The following MECOM variants were observed in gnomAD, a reference collection of about 807,000 sequenced individuals.
MECOM encodes MDS1 and EVI1 complex locus.
MECOM carries 13 observed loss-of-function variants against 116.3 expected under a neutral mutation model. That is an observed-to-expected ratio of 0.11 (90% confidence interval 0.07 to 0.18). The LOEUF (loss-of-function observed/expected upper bound fraction) is 0.18, where lower values mean the gene tolerates loss of function less well. Ranked by LOEUF, MECOM falls within the 10% of genes least tolerant of loss-of-function variation. The pLI is 1.00. For synonymous variants in MECOM, 528 were observed against 535.2 expected, an observed-to-expected ratio of 0.99 and a Z score of 0.19; for missense variants, 1,299 against 1,509.0, an observed-to-expected ratio of 0.86 and a Z score of 2.31.
intron 1 of MECOM, among the ~76,000 whole-genome samples, chr3:169,524,887 G>C (rs1757787149): frequency 6.6e-6 from 1 of 151,904 alleles, no homozygotes; most frequent in Non-Finnish European, 1.5e-5. Flanking sequence ...CTCAACATTA[G>C]CTGTCTTATT....
intron 2 of MECOM, among the ~76,000 whole-genome samples, chr3:169,338,140 T>G (rs1560148677): frequency 6.6e-6 from 1 of 152,136 alleles, no homozygotes. Context: ...CCTTATAGAC[T>G]CCCTCAGGAT....
At chr3:169,339,517 A>G (rs1434470517) in intron 2 of MECOM, among the ~76,000 whole-genome samples, 2 of 152,214 alleles carry the variant, frequency 1.3e-5, no homozygotes, top group Non-Finnish European at 2.9e-5. Context: ...TCTTGCTGCT[A>G]AAAGTGTGAT....
chr3:169,216,006 C>G (rs1385162849), intron 2 of MECOM, among the ~76,000 whole-genome samples: 1 of 152,172 alleles, frequency 6.6e-6, no homozygotes, highest in Non-Finnish European at 1.5e-5. Context: ...TCTCACAACC[C>G]AGAAAATTTT....
chr3:169,479,333 G>A (rs756281157), intron 1 of MECOM, among the ~76,000 whole-genome samples: 52 of 151,532 alleles, frequency 3.4e-4, no homozygotes, highest in Non-Finnish European at 6.8e-4. Context: ...GGAAAGGGAG[G>A]CGTCTAGGAA....
chr3:169,358,528 C>CA (rs3980663), intron 2 of MECOM, among the ~76,000 whole-genome samples: 1,723 of 131,734 alleles, frequency 0.013, 12 homozygotes, highest in Middle Eastern at 0.027. Flanking sequence ...TTTAGAGCCA[C>CA]AAAAAAAAAA....
rs1228255724 is a variant in MECOM, at chr3:169,486,074, C to A, written c.38-104550G>T. ...ATATACACTATCCCAGAGACATCAC[C>A]AAGTTTGATGTGGTTTTAGGTGTGG... On this transcript the variant is annotated intron_variant, in intron 1 of 16. Coordinates refer to ENST00000651503, the MANE Select transcript of MECOM (RefSeq NM_004991.4). 2.2e-5 allele frequency among the ~76,000 whole-genome samples: 3 copies of A among 139,288 alleles called. No individual in the cohort carries two copies. In the South Asian group the frequency reaches 6.7e-4, roughly 31 times the overall value. The allele number at this position is 139,288 out of a possible 152,430, so 91.4% of individuals were successfully genotyped here. A position where few individuals can be genotyped will look rare whatever the true frequency, so the allele number is the denominator to read the frequency against.
At position 169,310,628 on chromosome 3, in the gene MECOM, T is replaced by C. The variant is rs16853480; in HGVS notation, c.375+70559A>G. Among the ~76,000 whole-genome samples, 1,047 of 152,308 alleles carry C rather than the reference T, an allele frequency of 6.9e-3. 98 individuals are homozygous for C. The East Asian group carries it at 0.19, about 27-fold the overall frequency. On this transcript the variant is annotated intron_variant, in intron 2 of 16. Transcript: ENST00000651503. ...CTCGTTCAGAAACCTACACTAACAATTATTTGGCTCTTCTGTATTTGTTTC... is the reference window on the plus strand; with the variant it reads ...CTCGTTCAGAAACCTACACTAACAACTATTTGGCTCTTCTGTATTTGTTTC...
chr3:169,520,477 A>G (rs542597190), intron 1 of MECOM, among the ~76,000 whole-genome samples: 117 of 152,298 alleles, frequency 7.7e-4, no homozygotes, highest in Admixed American at 1.2e-3. Context: ...TGTCCTCACA[A>G]AAAGGGGATG....
intron 1 of MECOM, among the ~76,000 whole-genome samples, chr3:169,462,850 A>G (rs1268383905): frequency 6.6e-6 from 1 of 152,204 alleles, no homozygotes; most frequent in Non-Finnish European, 1.5e-5. Context: ...TTAAAAACAA[A>G]ATTTTCTTGT....
chr3:169,222,654 G>T (rs778576215), intron 2 of MECOM, among the ~76,000 whole-genome samples: 1 of 152,142 alleles, frequency 6.6e-6, no homozygotes, highest in African/African-American at 2.4e-5. Context: ...TGTCTGAAAC[G>T]CAGATATAAA....
chr3:169,342,392 A>G (rs1057220091), intron 2 of MECOM, among the ~76,000 whole-genome samples: 7 of 152,076 alleles, frequency 4.6e-5, no homozygotes, highest in African/African-American at 1.7e-4. Flanking sequence ...TAATAATAGT[A>G]TATCTAAACT....
intron 1 of MECOM, among the ~76,000 whole-genome samples, chr3:169,472,633 A>AAAAGAAAAGAAAAGGAAAGGAAAGG (rs1749680508): frequency 6.0e-4 from 36 of 60,312 alleles, no homozygotes; most frequent in Middle Eastern, 8.3e-3. Context: ...AAAAGAAAAG[A>AAAAGAAAAGAAAAGGAAAGGAAAGG]AAAGGAAAGG....
At chr3:169,171,717 A>G (rs1559948603) in intron 2 of MECOM, among the ~76,000 whole-genome samples, 1 of 152,186 alleles carries the variant, frequency 6.6e-6, no homozygotes, top group African/African-American at 2.4e-5. Context: ...TAACAAGGAT[A>G]AGAAGCTATT....
chr3:169,136,320 A>G (rs933697869), intron 3 of MECOM, among the ~76,000 whole-genome samples: 1 of 151,504 alleles, frequency 6.6e-6, no homozygotes, highest in African/African-American at 2.4e-5. Context: ...AAATTTTCAT[A>G]TTAGTAATCT....
At chr3:169,132,069 T>A in intron 3 of MECOM, 1 of 690,060 alleles carries the variant, frequency 1.4e-6, no homozygotes, top group Non-Finnish European at 1.8e-6. Flanking sequence ...TTTCAAAACT[T>A]AACCCCTCTC....
chr3:169,638,547 T>C (rs1773089184), intron 1 of MECOM, among the ~76,000 whole-genome samples: 1 of 152,210 alleles, frequency 6.6e-6, no homozygotes, highest in South Asian at 2.1e-4. Context: ...TATTTACTAG[T>C]ATATAATTTT....
chr3:169,242,450 T>C (rs1012477916), intron 2 of MECOM, among the ~76,000 whole-genome samples: 8 of 152,084 alleles, frequency 5.3e-5, no homozygotes, highest in Non-Finnish European at 8.8e-5. Flanking sequence ...GCAACTCCAC[T>C]CTCCGCTGAT....
intron 2 of MECOM, among the ~76,000 whole-genome samples, chr3:169,312,992 A>G (rs1364715946): frequency 6.6e-6 from 1 of 152,240 alleles, no homozygotes; most frequent in Non-Finnish European, 1.5e-5. Context: ...AGTACTGAGC[A>G]TCTGGGTGCT....
At chr3:169,418,125 C>CAAAAAAAAAAAA (rs568727385) in intron 1 of MECOM, among the ~76,000 whole-genome samples, 2 of 118,158 alleles carry the variant, frequency 1.7e-5, no homozygotes, top group African/African-American at 3.2e-5. Flanking sequence ...AAAAACTAAA[C>CAAAAAAAAAAAA]AAAAAAAAAA....
Sources: allele counts gnomAD v4.1 joint callset (sites outside exome capture counted in the v4.1 genomes callset), GRCh38; gene constraint gnomAD v4.1.1; transcripts MANE v1.5; gene names NCBI Gene and HGNC (gene_info 2026-07-23, HGNC 2026-07-21).